The following PVT1 variants were observed in gnomAD, a reference collection of about 807,000 sequenced individuals.
The protein encoded by PVT1 is Pvt1 oncogene.
At chr8:127,805,196 C>T (rs976436782) in intron 2 of PVT1, among the ~76,000 whole-genome samples, 20 of 152,020 alleles carry the variant, frequency 1.3e-4, no homozygotes, top group South Asian at 6.2e-4. Flanking sequence ...TCCCAAAGTG[C>T]TGGGATTACA....
chr8:127,869,529 C>T (rs1313442126), intron 2 of PVT1, among the ~76,000 whole-genome samples: 1 of 152,162 alleles, frequency 6.6e-6, no homozygotes, highest in African/African-American at 2.4e-5. Context: ...GGACTAATAT[C>T]ACAAGTCGAA....
chr8:128,064,386 C>T (rs1020991424), intron 4 of PVT1, among the ~76,000 whole-genome samples: 1 of 152,196 alleles, frequency 6.6e-6, no homozygotes, highest in Non-Finnish European at 1.5e-5. Context: ...AGCCATGCAC[C>T]GTCATCTTTT....
At chr8:127,865,352 A>G (rs1332560617) in intron 2 of PVT1, among the ~76,000 whole-genome samples, 1 of 152,184 alleles carries the variant, frequency 6.6e-6, no homozygotes, top group African/African-American at 2.4e-5. Flanking sequence ...AGAGGTTCAC[A>G]TCCTGATCTC....
chr8:128,006,354 A>C lies in PVT1; in HGVS notation n.912+17063A>C, dbSNP rs574154080. 2.6e-5 allele frequency among the ~76,000 whole-genome samples: 4 copies of C among 152,266 alleles called. No homozygotes were observed. In the East Asian group the frequency reaches 7.7e-4, roughly 29 times the overall value. On this transcript the variant is annotated intron_variant and non_coding_transcript_variant, in intron 4 of 10. Coordinates refer to ENST00000651587, the Ensembl canonical transcript of PVT1. Reference sequence around the variant, plus strand: ...GTACAATGCTCAGTTGCCACTATAAAGAATGAGATGCTGTGTCCTTCTCAG... The same window carrying C: ...GTACAATGCTCAGTTGCCACTATAACGAATGAGATGCTGTGTCCTTCTCAG...
chr8:127,811,773 G>T (rs1446308831), intron 2 of PVT1, among the ~76,000 whole-genome samples: 1 of 151,964 alleles, frequency 6.6e-6, no homozygotes, highest in Non-Finnish European at 1.5e-5. Context: ...GTATCTGGCC[G>T]GTTAACACAG....
intron 5 of PVT1, among the ~76,000 whole-genome samples, chr8:128,095,645 C>G (rs183236600): frequency 6.0e-4 from 91 of 152,326 alleles, no homozygotes; most frequent in Non-Finnish European, 1.0e-3. Context: ...GTGAGACAGA[C>G]CTGTGCCCTG....
At chr8:127,889,608 G>A (rs1303785393) in intron 2 of PVT1, among the ~76,000 whole-genome samples, 3 of 152,194 alleles carry the variant, frequency 2.0e-5, no homozygotes, top group Admixed American at 2.0e-4. Context: ...AAGCCTGGAA[G>A]TAAGTTTTAG....
intron 3 of PVT1, among the ~76,000 whole-genome samples, chr8:127,976,482 T>A (rs1242899132): frequency 6.6e-6 from 1 of 152,110 alleles, no homozygotes; most frequent in East Asian, 1.9e-4. Flanking sequence ...AAAAATAGGG[T>A]TATAGTCCTC....
intron 4 of PVT1, among the ~76,000 whole-genome samples, chr8:128,042,122 A>G (rs533242601): frequency 3.9e-5 from 6 of 152,296 alleles, no homozygotes; most frequent in African/African-American, 1.4e-4. Flanking sequence ...GTTGGTACAA[A>G]TAGTTTTGCA....
intron 4 of PVT1, among the ~76,000 whole-genome samples, chr8:127,991,145 T>TA (rs1242569717): frequency 1.3e-5 from 1 of 79,110 alleles, no homozygotes; most frequent in Non-Finnish European, 2.7e-5. Flanking sequence ...TCTTTCTTTT[T>TA]TTTTTTTTTT....
At chr8:127,876,753 C>T (rs1030252366) in intron 2 of PVT1, among the ~76,000 whole-genome samples, 5 of 152,180 alleles carry the variant, frequency 3.3e-5, no homozygotes, top group East Asian at 1.9e-4. Context: ...TCCTGTCCTC[C>T]GTGGCGCTTG....
At chr8:128,007,275 AT>A (rs1402369783) in intron 4 of PVT1, among the ~76,000 whole-genome samples, 1 of 152,254 alleles carries the variant, frequency 6.6e-6, no homozygotes, top group Non-Finnish European at 1.5e-5. Context: ...AGATTGGGCA[AT>A]AGTATTGTAC....
At chr8:127,880,907 A>G (rs1165913038) in intron 2 of PVT1, among the ~76,000 whole-genome samples, 1 of 152,156 alleles carries the variant, frequency 6.6e-6, no homozygotes, top group African/African-American at 2.4e-5. Flanking sequence ...CTTTCCAGTC[A>G]TTTCTTAAGC....
At chr8:127,932,457 G>T (rs575769440) in intron 3 of PVT1, 2 of 398,602 alleles carry the variant, frequency 5.0e-6, no homozygotes, top group South Asian at 2.5e-4. Context: ...TTTCTATCCT[G>T]TCTGCAGGAC....
At chr8:127,854,654 G>C (rs924205557) in intron 2 of PVT1, 1 of 152,476 alleles carries the variant, frequency 6.6e-6, no homozygotes, top group Non-Finnish European at 1.5e-5. Flanking sequence ...CAGCAGCCGA[G>C]TTACAGGAAA....
At chr8:128,037,513 G>C (rs909424013) in intron 4 of PVT1, among the ~76,000 whole-genome samples, 2 of 152,206 alleles carry the variant, frequency 1.3e-5, no homozygotes, top group South Asian at 2.1e-4. Flanking sequence ...AAAGGGAAGT[G>C]GGGGACAGCC....
chr8:128,067,166 A>C (rs1397908194), intron 4 of PVT1, among the ~76,000 whole-genome samples: 1 of 152,164 alleles, frequency 6.6e-6, no homozygotes, highest in Non-Finnish European at 1.5e-5. Flanking sequence ...ATGGTTATCT[A>C]ACAATCCTCA....
intron 4 of PVT1, among the ~76,000 whole-genome samples, chr8:128,046,306 G>A (rs1438767433): frequency 6.6e-6 from 1 of 152,128 alleles, no homozygotes; most frequent in East Asian, 1.9e-4. Context: ...CCAACAAAAT[G>A]GCCCTAAGAG....
chr8:127,987,148 G>C (rs1816979035), intron 3 of PVT1, among the ~76,000 whole-genome samples: 1 of 152,228 alleles, frequency 6.6e-6, no homozygotes, highest in East Asian at 1.9e-4. Context: ...ACAGTCCTTA[G>C]TGAAATGTCC....
Sources: allele counts gnomAD v4.1 joint callset (sites outside exome capture counted in the v4.1 genomes callset), GRCh38; gene constraint gnomAD v4.1.1; transcripts MANE v1.5; gene names NCBI Gene and HGNC (gene_info 2026-07-23, HGNC 2026-07-21).